The following TCP11L1 variants were observed in gnomAD, a reference collection of about 807,000 sequenced individuals.
The protein encoded by TCP11L1 is t-complex 11 like 1.
In TCP11L1, 28 loss-of-function variants were observed where a neutral mutation model predicts 48.9. The observed-to-expected ratio is 0.57, with a 90% confidence interval of 0.42 to 0.78. The LOEUF is 0.78. Among genes scored for constraint, TCP11L1 ranks in the 30% least tolerant of loss-of-function variants. The probability of loss-of-function intolerance (pLI) is 0.00; values close to 1 mark genes in which losing one functional copy is unlikely to be tolerated. For missense variants in TCP11L1, 505 were observed against 613.4 expected, an observed-to-expected ratio of 0.82 and a Z score of 1.87; for synonymous variants, 204 against 231.9, an observed-to-expected ratio of 0.88 and a Z score of 1.09.
At chr11:33,058,930 G>C (rs1383479383) in intron 5 of TCP11L1, 29 bp from the exon 6 acceptor site, 2 of 1,609,024 alleles carry the variant, frequency 1.2e-6, no homozygotes, top group Non-Finnish European at 1.7e-6. Flanking sequence ...CTTTACAAAT[G>C]CTTGCTTCTA....
rs1854825702 is a variant in TCP11L1 at position 33,072,557 on chromosome 11, C to G, written c.1411C>G (p.Pro471Ala). Residue 471 changes from proline to alanine, a missense_variant, in exon 10 of 10, where the codon CCA (proline) becomes GCA (alanine). Physicochemically the swap from Pro to Ala is conservative, Grantham distance 27. Transcript: ENST00000334274. Reference sequence around the variant, plus strand: ...GCCCACAGTCCCTGGGGGACTCAGTCCAGTTCAGAGAGAGCTGGAGGAAGT... The same window carrying G: ...GCCCACAGTCCCTGGGGGACTCAGTGCAGTTCAGAGAGAGCTGGAGGAAGT... ...PLPTVPGGLS[P>A]VQRELEEVAI... 1 of 1,614,150 alleles carries G rather than the reference C, an allele frequency of 6.2e-7. No homozygotes were observed. The highest frequency in any genetic ancestry group is 8.5e-7 in the Non-Finnish European group (1 of 1,180,026).
chr11:33,057,093 C>CTT (rs3215658), intron 3 of TCP11L1, 22 bp from the exon 4 acceptor site: 3 of 1,506,374 alleles, frequency 2.0e-6, no homozygotes, highest in Admixed American at 1.8e-5. Flanking sequence ...TGCCCCCCTC[C>CTT]TTTTTTTTTT....
intron 1 of TCP11L1, chr11:33,040,538 G>C (rs1228163001): frequency 6.6e-6 from 1 of 152,240 alleles, no homozygotes; most frequent in Admixed American, 6.5e-5. Context: ...TCTATCAACA[G>C]ATACTTGTGG....
chr11:33,072,756 T>A lies in TCP11L1; in HGVS notation c.*80T>A. The A allele has an allele frequency of 1.3e-6, 2 of 1,503,356 alleles. No homozygotes were observed. The highest frequency in any genetic ancestry group is 9.2e-7 in the Non-Finnish European group (1 of 1,085,270). The allele number at this position is 1,503,356 out of a possible 1,614,324, so 93.1% of individuals were successfully genotyped here. ...TGTACTCTAATGTTGCATTGGAAAA[T>A]GGCTATATAGTACATGTCTATTTAA... On this transcript the variant is annotated 3_prime_UTR_variant, in exon 10 of 10. Transcript: ENST00000334274.
intron 8 of TCP11L1, among the ~76,000 whole-genome samples, chr11:33,068,170 G>A (rs1215533588): frequency 2.6e-5 from 4 of 152,174 alleles, no homozygotes; most frequent in Non-Finnish European, 4.4e-5. Context: ...TGATCCATCT[G>A]CCTTGGCCTC....
intron 6 of TCP11L1, among the ~76,000 whole-genome samples, chr11:33,060,707 C>G (rs976883786): frequency 2.6e-5 from 4 of 152,244 alleles, no homozygotes; most frequent in Non-Finnish European, 5.9e-5. Context: ...TTCACTTTCC[C>G]CCAGGTTGAA....
chr11:33,047,490 T>C (rs1854033883), intron 2 of TCP11L1, among the ~76,000 whole-genome samples: 1 of 152,248 alleles, frequency 6.6e-6, no homozygotes, highest in Admixed American at 6.5e-5. Flanking sequence ...AGATGCTATA[T>C]TCAGATGACA....
chr11:33,071,603 A>C (rs902538965), intron 9 of TCP11L1, among the ~76,000 whole-genome samples: 19 of 152,240 alleles, frequency 1.2e-4, no homozygotes, highest in Admixed American at 3.9e-4. Context: ...TATTCCTCCA[A>C]GTAGGACAAG....
chr11:33,072,929 C>A lies in TCP11L1; in HGVS notation c.*253C>A. 2.1e-6 allele frequency: 1 copy of A among 478,338 alleles called. No homozygotes were observed. Among genetic ancestry groups the A allele is most frequent in the Non-Finnish European group, 3.8e-6 (1 of 263,108 alleles). 29.6% of individuals were successfully genotyped at this position (478,338 alleles called of 1,614,324 possible). On this transcript the variant is annotated 3_prime_UTR_variant, in exon 10 of 10. Coordinates refer to ENST00000334274, the MANE Select transcript of TCP11L1 (RefSeq NM_018393.4). ...TTTTGTTCTCGAGTTTTACAGGTAA[C>A]ACTCAGCTGTTGTCTCCACTCCTCC... is the stretch of plus-strand genomic sequence containing the variant.
rs769380027 is a variant in TCP11L1, at chr11:33,057,150, C to T, written c.332C>T (p.Ala111Val). 1.7e-5 allele frequency: 27 copies of T among 1,613,784 alleles called. No homozygotes were observed. Among genetic ancestry groups the T allele is most frequent in the Non-Finnish European group, 2.0e-5 (24 of 1,179,998 alleles). Residue 111 changes from alanine to valine, a missense_variant, in exon 4 of 10, where the codon GCG (alanine) becomes GTG (valine). This residue lies in a region of TCP11L1 where 168 missense variants were observed against 183.5 expected (regional missense o/e 0.92). Coordinates refer to ENST00000334274, the MANE Select transcript of TCP11L1 (RefSeq NM_018393.4). ...AGAGTAAAGGAGATTGTACATAAAG[C>T]GTTTTGGGATTGCTTGAGTGTGCAG... ...KKRVKEIVHK[A>V]FWDCLSVQLS...
chr11:33,068,076 C>T (rs1039223647), intron 8 of TCP11L1, among the ~76,000 whole-genome samples: 6 of 151,954 alleles, frequency 3.9e-5, no homozygotes, highest in African/African-American at 1.2e-4. Context: ...ATCACCATGC[C>T]CAGCTAATCT....
At chr11:33,041,581 T>C (rs943821292) in intron 1 of TCP11L1, among the ~76,000 whole-genome samples, 11 of 152,060 alleles carry the variant, frequency 7.2e-5, no homozygotes, top group Non-Finnish European at 1.5e-4. Flanking sequence ...TGAAACCCCA[T>C]CTCTACTAAA....
intron 6 of TCP11L1, among the ~76,000 whole-genome samples, 175 bp from the exon 7 acceptor site, chr11:33,061,355 T>C (rs1854460455): frequency 6.6e-6 from 1 of 152,244 alleles, no homozygotes; most frequent in Non-Finnish European, 1.5e-5. Flanking sequence ...ATGACTTGCC[T>C]GAGATCCCTC....
Position 33,059,035 on chromosome 11 carries a change from A to G in TCP11L1, c.715A>G (p.Met239Val), listed in dbSNP as rs900317137. The G allele has an allele frequency of 6.2e-7, 1 of 1,614,114 alleles. No individual in the cohort carries two copies. Residue 239 changes from methionine to valine, a missense_variant, in exon 6 of 10, where the codon ATG (methionine) becomes GTG (valine). Transcript: ENST00000334274. The stretch of plus-strand genomic sequence containing the variant: ...TATCAGTAGCATCAGGCCTCATCTC[A>G]TGCAGCAGTCAGTTGAATACGAAAG... Reference protein sequence around the residue: ...FAISSIRPHLMQQSVEYERKK... With the variant: ...FAISSIRPHLVQQSVEYERKK...
Position 33,057,152 on chromosome 11 carries a change from T to G in TCP11L1, c.334T>G (p.Phe112Val). 6.2e-7 allele frequency: 1 copy of G among 1,614,084 alleles called. No homozygotes were observed. Among genetic ancestry groups the G allele is most frequent in the Non-Finnish European group, 8.5e-7 (1 of 1,180,006 alleles). The change falls in exon 4 of 10, where the codon TTT becomes GTT. Residue 112 changes from phenylalanine to valine, a missense_variant. This residue lies in a region of TCP11L1 where 168 missense variants were observed against 183.5 expected (regional missense o/e 0.92). Transcript: ENST00000334274. Reference sequence around the variant, plus strand: ...AGTAAAGGAGATTGTACATAAAGCGTTTTGGGATTGCTTGAGTGTGCAGCT... The same window carrying G: ...AGTAAAGGAGATTGTACATAAAGCGGTTTGGGATTGCTTGAGTGTGCAGCT... ...KRVKEIVHKA[F>V]WDCLSVQLSE... is the part of the protein sequence containing the mutation.
intron 4 of TCP11L1, 69 bp from the exon 5 acceptor site, chr11:33,057,850 T>TA (rs1235953366): frequency 7.4e-7 from 1 of 1,359,130 alleles, no homozygotes; most frequent in East Asian, 2.5e-5. Context: ...TTTGGATAGT[T>TA]ATAAATTACA....
At position 33,068,799 on chromosome 11, in the gene TCP11L1, G is replaced by A. The variant is rs1426442304; in HGVS notation, c.1267G>A (p.Val423Met). 21 of 1,613,994 alleles carry A rather than the reference G, an allele frequency of 1.3e-5. No individual in the cohort carries two copies. Among genetic ancestry groups the A allele is most frequent in the Admixed American group, 3.3e-5 (2 of 59,978 alleles). Residue 423 changes from valine (V) to methionine (M), a missense_variant, in exon 9 of 10, where the codon GTG (valine) becomes ATG (methionine). By Grantham distance (21) the Val-to-Met change is conservative. Around this residue, in one of 3 missense-constraint regions of TCP11L1, gnomAD observed 335 missense variants for 413.3 expected, o/e 0.81. Transcript: ENST00000334274. ...TCCCTTCACCACGGACAAGGAGACC[G>A]TGCTCAAGGGCCAGATCCAGGCCGT... ...SSPFTTDKET[V>M]LKGQIQAVAS...
Position 33,065,934 on chromosome 11 carries a change from A to G in TCP11L1, c.1077A>G (p.Pro359=). ...VLLVTFSMAA[P]GISSQADFAE... is the part of the protein sequence containing the mutation. ...TGGTCACCTTCAGCATGGCAGCGCC[A>G]GGAATTTCCAGCCAGGCCGACTTTG... Residue 359 remains proline (P), a synonymous_variant, in exon 8 of 10, where the codon CCA becomes CCG. Coordinates refer to ENST00000334274, the MANE Select transcript of TCP11L1 (RefSeq NM_018393.4). The G allele has an allele frequency of 6.2e-7, 1 of 1,614,236 alleles. No individual in the cohort carries two copies. The highest frequency in any genetic ancestry group is 2.2e-5 in the East Asian group (1 of 44,890).
At chr11:33,060,225 C>T (rs1374350561) in intron 6 of TCP11L1, among the ~76,000 whole-genome samples, 3 of 152,074 alleles carry the variant, frequency 2.0e-5, no homozygotes, top group African/African-American at 7.2e-5. Flanking sequence ...CCTGAAGAGC[C>T]GTAATATTAA....
Sources: gnomAD v4.1 joint callset for allele counts (sites outside exome capture counted in the v4.1 genomes callset) on GRCh38, gnomAD v4.1.1 for gene constraint, gnomAD v4.1.1 regional missense constraint, MANE v1.5 for transcripts, NCBI Gene and HGNC (gene_info 2026-07-23, HGNC 2026-07-21) for gene names.